DNAH7: variants seen among roughly 807,000 people sequenced by gnomAD.
DNAH7 encodes dynein axonemal heavy chain 7, also known as axonemal beta dynein heavy chain 7.
DNAH7 carries 397 observed loss-of-function variants against 444.6 expected under a neutral mutation model. That is an observed-to-expected ratio of 0.89 (90% confidence interval 0.82 to 0.97). DNAH7 has a LOEUF of 0.97. Among genes scored for constraint, DNAH7 ranks in the 50% least tolerant of loss-of-function variants. DNAH7 has a pLI of 0.00. For synonymous variants in DNAH7, 1,636 were observed against 1,624.4 expected (o/e 1.01, Z -0.17); for missense variants, 4,902 against 4,800.8 (o/e 1.02, Z -0.62).
intron 54 of DNAH7, among the ~76,000 whole-genome samples, chr2:195,806,207 A>T (rs1696702136): frequency 6.6e-6 from 1 of 152,176 alleles, no homozygotes. Flanking sequence ...ATGAATACTG[A>T]CATTTGCTAA....
Position 195,893,493 on chromosome 2 carries a change from A to G in DNAH7, c.4896+1483T>C, listed in dbSNP as rs1333544967. ...TGTGATCCGCCCGCCTCAGCCTCCC[A>G]AAGTGCTGGGATTACAGGCGTGAGC... is the stretch of plus-strand genomic sequence containing the variant. On this transcript the variant is annotated intron_variant, in intron 30 of 64. Coordinates refer to ENST00000312428, the MANE Select transcript of DNAH7 (RefSeq NM_018897.3). 2.0e-5 allele frequency: 3 copies of G among 152,476 alleles called. No homozygotes were observed. The East Asian group carries it at 5.8e-4, about 29-fold the overall frequency. The allele number at this position is 152,476 out of a possible 1,614,324, so 9.4% of individuals were successfully genotyped here. A position where few individuals can be genotyped will look rare whatever the true frequency, so the allele number is the denominator to read the frequency against.
At chr2:195,818,495 T>C (rs959370326) in intron 49 of DNAH7, among the ~76,000 whole-genome samples, 1 of 152,176 alleles carries the variant, frequency 6.6e-6, no homozygotes, top group African/African-American at 2.4e-5. Context: ...CCCATAAGCA[T>C]GCAAACATGC....
chr2:195,905,669 TA>T (rs1258641919), intron 27 of DNAH7: 1 of 152,144 alleles, frequency 6.6e-6, no homozygotes, highest in Non-Finnish European at 1.5e-5. Flanking sequence ...GAAAAGGATA[TA>T]AAATGGTTAA....
At position 195,888,454 on chromosome 2, in the gene DNAH7, T is replaced by C. The variant is rs778042118; in HGVS notation, c.5230-20A>G. On this transcript the variant is annotated intron_variant, in intron 32 of 64. Transcript: ENST00000312428. ...GGAAACCTGGAAAGCCATAATTGGT[T>C]ACCATCAAGGTAATAATGCTTATAA... The C allele has an allele frequency of 1.9e-6, 3 of 1,574,650 alleles. No homozygotes were observed. The South Asian group carries it at 3.6e-5, about 19-fold the overall frequency.
intron 48 of DNAH7, among the ~76,000 whole-genome samples, chr2:195,829,755 A>G (rs568369738): frequency 6.6e-6 from 1 of 152,172 alleles, no homozygotes; most frequent in South Asian, 2.1e-4. Context: ...TTTTGAAGCT[A>G]AAATATACAT....
At chr2:196,054,632 T>C (rs2125874150) in intron 2 of DNAH7, among the ~76,000 whole-genome samples, 1 of 152,300 alleles carries the variant, frequency 6.6e-6, no homozygotes, top group East Asian at 1.9e-4. Flanking sequence ...CTTATAGAGA[T>C]GAGTGACATG....
At chr2:195,809,419 G>C (rs1696857375) in intron 52 of DNAH7, among the ~76,000 whole-genome samples, 1 of 152,116 alleles carries the variant, frequency 6.6e-6, no homozygotes, top group East Asian at 1.9e-4. Context: ...ATTTGCACAA[G>C]TCTTTAAAAA....
intron 34 of DNAH7, 50 bp from the exon 35 acceptor site, chr2:195,884,859 T>C: frequency 6.7e-7 from 1 of 1,487,890 alleles, no homozygotes; most frequent in Non-Finnish European, 9.2e-7. Flanking sequence ...ATAATTTTAA[T>C]CTGTCCTTGA....
Position 195,923,595 on chromosome 2 carries a change from T to C in DNAH7, c.3825A>G (p.Gln1275=), listed in dbSNP as rs1269918061. 1 of 1,613,844 alleles carries C rather than the reference T, an allele frequency of 6.2e-7. No homozygotes were observed. The highest frequency in any genetic ancestry group is 8.5e-7 in the Non-Finnish European group (1 of 1,179,900). The part of the protein sequence containing the change: ...EWLSQLRYYW[Q]ENHLETKMIN... ...TATAACATTCAGTGATACCACTTAC[T>C]TGCCAGTAGTACCTAAGCTGACTTA... The change falls in exon 23 of 65, where the codon CAA becomes CAG. Residue 1275 remains glutamine, a splice_region_variant and synonymous_variant. Transcript: ENST00000312428.
At chr2:196,059,448 C>T (rs1698015069) in intron 1 of DNAH7, among the ~76,000 whole-genome samples, 1 of 152,194 alleles carries the variant, frequency 6.6e-6, no homozygotes, top group Non-Finnish European at 1.5e-5. Context: ...CTTTTTTGCC[C>T]TCCTTTGGGA....
chr2:195,879,086 A>G (rs1701221138), intron 36 of DNAH7, among the ~76,000 whole-genome samples: 1 of 152,200 alleles, frequency 6.6e-6, no homozygotes, highest in African/African-American at 2.4e-5. Flanking sequence ...ACACACCATC[A>G]TAACAGTAAT....
intron 5 of DNAH7, among the ~76,000 whole-genome samples, chr2:196,035,198 G>A (rs1231509716): frequency 1.3e-5 from 2 of 151,890 alleles, no homozygotes; most frequent in Non-Finnish European, 2.9e-5. Flanking sequence ...AAACCTATAA[G>A]ACTTCCAGAA....
At position 195,847,804 on chromosome 2, in the gene DNAH7, T is replaced by A. The variant is rs142173235; in HGVS notation, c.8782-2639A>T. On this transcript the variant is annotated intron_variant, in intron 46 of 64. Transcript: ENST00000312428. ...ACCAGTAGGAGAGACGGAAAACTTT[T>A]ACTTCTGACTCACATGCCCTGCGAG... 6.3e-3 allele frequency among the ~76,000 whole-genome samples: 961 copies of A among 152,294 alleles called. 7 individuals carry two copies. The highest frequency in any genetic ancestry group is 0.022 in the African/African-American group (916 of 41,568).
chr2:195,835,410 A>C (rs1389774873), intron 47 of DNAH7, among the ~76,000 whole-genome samples: 1 of 152,042 alleles, frequency 6.6e-6, no homozygotes, highest in Non-Finnish European at 1.5e-5. Flanking sequence ...ATTGAAAAGA[A>C]AAAAAGGTAG....
rs967163737 is a variant in DNAH7, at chr2:195,895,227, G to A, written c.4648-3C>T. On this transcript the variant is annotated splice_polypyrimidine_tract_variant and splice_region_variant and intron_variant, in intron 29 of 64. Transcript: ENST00000312428. Reference sequence around the variant, plus strand: ...GGAAACAAATCCGAAGTAATTCCCTGATGATAGATGATTTGAAGGATTTAC... The same window carrying A: ...GGAAACAAATCCGAAGTAATTCCCTAATGATAGATGATTTGAAGGATTTAC... 6.3e-6 allele frequency: 10 copies of A among 1,586,068 alleles called. No homozygotes were observed. Among genetic ancestry groups the A allele is most frequent in the Non-Finnish European group, 8.6e-6 (10 of 1,159,896 alleles).
chr2:195,765,539 T>C (rs1694531659), intron 61 of DNAH7, among the ~76,000 whole-genome samples: 1 of 152,110 alleles, frequency 6.6e-6, no homozygotes, highest in South Asian at 2.1e-4. Context: ...GGAAAAACTC[T>C]AATAATCCAA....
In DNAH7 at chr2:195,957,328, G is replaced by A. The variant is rs1316297502; in HGVS notation, c.3011C>T (p.Pro1004Leu). ...AGCTGTAAATCGTCTGCCTTCCTCA[G>A]GCATTTGAGACATAATGTCTGGAGA... ...FSSPDIMSQM[P>L]EEGRRFTAVD... is the part of the protein sequence containing the mutation. The change falls in exon 19 of 65, where the codon CCT (proline) becomes CTT (leucine). Residue 1004 changes from proline (P) to leucine (L), a missense_variant. Coordinates refer to ENST00000312428, the MANE Select transcript of DNAH7 (RefSeq NM_018897.3). The A allele has an allele frequency of 6.2e-7, 1 of 1,606,894 alleles. No individual in the cohort carries two copies. Among genetic ancestry groups the A allele is most frequent in the African/African-American group, 1.3e-5 (1 of 74,750 alleles).
At chr2:195,748,324 T>C (rs917925941) in intron 63 of DNAH7, among the ~76,000 whole-genome samples, 11 of 151,950 alleles carry the variant, frequency 7.2e-5, no homozygotes. Flanking sequence ...CACTGCTCAA[T>C]GAAATAAAAG....
intron 30 of DNAH7, among the ~76,000 whole-genome samples, chr2:195,892,286 G>A (rs1159801642): frequency 6.6e-6 from 1 of 151,978 alleles, no homozygotes; most frequent in Non-Finnish European, 1.5e-5. Flanking sequence ...GCTGAATTTG[G>A]CCCATGTACT....
Sources: gnomAD v4.1 joint callset for allele counts (sites outside exome capture counted in the v4.1 genomes callset) on GRCh38, gnomAD v4.1.1 for gene constraint, MANE v1.5 for transcripts, NCBI Gene and HGNC (gene_info 2026-07-23, HGNC 2026-07-21) for gene names.